ELP2: variants seen among roughly 807,000 people sequenced by gnomAD.
ELP2 encodes the protein elongator complex protein 2.
A neutral mutation model predicts 119.2 loss-of-function variants in ELP2; 90 were observed. That is an observed-to-expected ratio of 0.75 (90% confidence interval 0.64 to 0.90). ELP2 has a LOEUF of 0.90. Among genes scored for constraint, ELP2 ranks in the 40% least tolerant of loss-of-function variants. The probability of loss-of-function intolerance (pLI) is 0.00; values close to 1 mark genes in which losing one functional copy is unlikely to be tolerated. For missense variants in ELP2, 921 were observed against 967.8 expected (o/e 0.95, Z 0.64); for synonymous variants, 339 against 331.0 (o/e 1.02, Z -0.26).
At chr18:36,172,919 A>G (rs990431405) in intron 21 of ELP2, among the ~76,000 whole-genome samples, 8 of 152,234 alleles carry the variant, frequency 5.3e-5, no homozygotes, top group Non-Finnish European at 1.0e-4. Flanking sequence ...CTAATATTTC[A>G]GTTACCAAGT....
chr18:36,164,324 A>G (rs1568019094), intron 17 of ELP2, 151 bp from the exon 18 acceptor site: 1 of 660,260 alleles, frequency 1.5e-6, no homozygotes, highest in African/African-American at 1.8e-5. Context: ...GAGATAAGAA[A>G]TGGTTGTAGT....
At chr18:36,170,246 A>T (rs979606157) in intron 20 of ELP2, 50 bp downstream of exon 20, 1 of 1,607,898 alleles carries the variant, frequency 6.2e-7, no homozygotes, top group African/African-American at 1.3e-5. Flanking sequence ...TGGTTTCTTA[A>T]TATGTAGCCC....
At chr18:36,168,626 T>A (rs2090975892) in intron 19 of ELP2, among the ~76,000 whole-genome samples, 1 of 152,144 alleles carries the variant, frequency 6.6e-6, no homozygotes, top group African/African-American at 2.4e-5. Context: ...ACCGCCCCCA[T>A]GATCCTATTA....
intron 17 of ELP2, among the ~76,000 whole-genome samples, chr18:36,164,021 AT>A (rs1198603298): frequency 6.6e-6 from 1 of 152,206 alleles, no homozygotes; most frequent in Admixed American, 6.5e-5. Context: ...AATATTGAGT[AT>A]TTTGACATAT....
At chr18:36,151,684 G>A (rs1003978100) in intron 11 of ELP2, among the ~76,000 whole-genome samples, 6 of 150,756 alleles carry the variant, frequency 4.0e-5, no homozygotes, top group African/African-American at 1.5e-4. Flanking sequence ...TTAATTCTTT[G>A]GGCTGAAGAA....
rs1174927516 is a variant in ELP2 at position 36,180,516 on chromosome 18, G to A, written c.*5875G>A. On this transcript the variant is annotated 3_prime_UTR_variant, in exon 22 of 22. Coordinates refer to ENST00000358232, the MANE Select transcript of ELP2 (RefSeq NM_018255.4). ...ATAAGACAGCAGTAATTTGTATCTG[G>A]TACTATTATGATTAAATAAAGCTCT... 6.6e-6 allele frequency: 1 copy of A among 152,178 alleles called. No individual in the cohort carries two copies. Among genetic ancestry groups the A allele is most frequent in the African/African-American group, 2.4e-5 (1 of 41,432 alleles). 9.4% of individuals were successfully genotyped at this position (152,178 alleles called of 1,614,324 possible).
chr18:36,167,041 C>T, intron 18 of ELP2, 60 bp from the exon 19 acceptor site: 2 of 1,534,752 alleles, frequency 1.3e-6, no homozygotes, highest in Non-Finnish European at 1.8e-6. Context: ...ACATCACTTC[C>T]TAACAGGTAA....
At chr18:36,170,532 T>C (rs1385113454) in intron 20 of ELP2, among the ~76,000 whole-genome samples, 1 of 152,154 alleles carries the variant, frequency 6.6e-6, no homozygotes, top group East Asian at 1.9e-4. Flanking sequence ...CAGGCAGGTC[T>C]TAATCTCCTG....
intron 1 of ELP2, among the ~76,000 whole-genome samples, chr18:36,131,933 T>C (rs1567969329): frequency 7.0e-6 from 1 of 141,866 alleles, no homozygotes; most frequent in Non-Finnish European, 1.5e-5. Context: ...GGTCGGGCTT[T>C]TTTTTTTTTT....
Position 36,177,087 on chromosome 18 carries a change from G to A in ELP2, c.*2446G>A, listed in dbSNP as rs627107. ...CATTGATATGTATACTGACATGTTT[G>A]AGGGAAGTTACTGTGGTCTGTAACT... On this transcript the variant is annotated 3_prime_UTR_variant, in exon 22 of 22. Coordinates refer to ENST00000358232, the MANE Select transcript of ELP2 (RefSeq NM_018255.4). 146,212 of 152,228 alleles carry A rather than the reference G, an allele frequency of 0.96. 70,506 individuals are homozygous for A. The highest frequency in any genetic ancestry group is 1 in the East Asian group (5,176 of 5,176). 9.4% of individuals were successfully genotyped at this position (152,228 alleles called of 1,614,324 possible).
At chr18:36,174,456 A>G (rs745987655) in intron 21 of ELP2, 29 bp from the exon 22 acceptor site, 4 of 1,608,372 alleles carry the variant, frequency 2.5e-6, no homozygotes, top group East Asian at 4.5e-5. Context: ...TTGGAAAAAC[A>G]TTTCATGATT....
In ELP2 at chr18:36,175,577, T is replaced by G. The variant is rs2091205643; in HGVS notation, c.*936T>G. The G allele has an allele frequency of 6.6e-6, 1 of 152,234 alleles. No individual in the cohort carries two copies. The highest frequency in any genetic ancestry group is 2.4e-5 in the African/African-American group (1 of 41,454). The allele number at this position is 152,234 out of a possible 1,614,324, so 9.4% of individuals were successfully genotyped here. ...AAATAGAGTTCTGAAACATTTGAAT[T>G]TATGTGACAGCTGAAGTCACGAGAT... On this transcript the variant is annotated 3_prime_UTR_variant, in exon 22 of 22. Transcript: ENST00000358232.
chr18:36,170,270 T>A (rs2091039215), intron 20 of ELP2, 74 bp downstream of exon 20: 1 of 1,576,804 alleles, frequency 6.3e-7, no homozygotes, highest in Non-Finnish European at 8.7e-7. Context: ...TGTCATTTCA[T>A]TTGTGAATTC....
At chr18:36,138,714 T>C in intron 4 of ELP2, 81 bp from the exon 5 acceptor site, 1 of 1,163,594 alleles carries the variant, frequency 8.6e-7, no homozygotes. Context: ...TACCTGGGGC[T>C]GTGATGATGC....
At chr18:36,149,354 G>A (rs1476292244) in intron 11 of ELP2, among the ~76,000 whole-genome samples, 1 of 152,118 alleles carries the variant, frequency 6.6e-6, no homozygotes, top group Non-Finnish European at 1.5e-5. Context: ...ACCAGGCAAT[G>A]TAGCTGTTTT....
At chr18:36,136,868 A>G (rs1283209478) in intron 3 of ELP2, among the ~76,000 whole-genome samples, 1 of 152,188 alleles carries the variant, frequency 6.6e-6, no homozygotes. Flanking sequence ...GCATACGAAT[A>G]TAGATTTACA....
intron 17 of ELP2, among the ~76,000 whole-genome samples, chr18:36,163,007 C>A (rs2090785892): frequency 6.6e-6 from 1 of 151,936 alleles, no homozygotes; most frequent in Non-Finnish European, 1.5e-5. Context: ...TTTAGCATAC[C>A]CATCAGCTGA....
chr18:36,141,922 C>T (rs2090044512), intron 6 of ELP2, among the ~76,000 whole-genome samples: 1 of 152,070 alleles, frequency 6.6e-6, no homozygotes, highest in Non-Finnish European at 1.5e-5. Context: ...GTTTCCTGGC[C>T]TCAAGTGATA....
At chr18:36,171,281 CTTTGT>C (rs2091074646) in intron 21 of ELP2, 121 bp downstream of exon 21, 1 of 726,398 alleles carries the variant, frequency 1.4e-6, no homozygotes, top group Admixed American at 2.0e-5. Context: ...GTGTCTACCA[CTTTGT>C]TTTGTGGTAA....
Sources: gnomAD v4.1 joint callset for allele counts (sites outside exome capture counted in the v4.1 genomes callset) on GRCh38, gnomAD v4.1.1 for gene constraint, MANE v1.5 for transcripts, NCBI Gene and HGNC (gene_info 2026-07-23, HGNC 2026-07-21) for gene names.